Variants in TTC28 observed in about 807,000 individuals in gnomAD.
The protein encoded by TTC28 is tetratricopeptide repeat protein 28.
TTC28 carries 61 observed loss-of-function variants against 198.0 expected under a neutral mutation model. The ratio of observed to expected loss-of-function variants is 0.31; its 90% CI spans 0.25 to 0.38. The LOEUF (loss-of-function observed/expected upper bound fraction) is 0.38. Among genes scored for constraint, TTC28 ranks in the 10% least tolerant of loss-of-function variants. The pLI is 1.00. For synonymous variants in TTC28, 1,171 were observed against 1,297.8 expected (o/e 0.90, Z 2.10); for missense variants, 2,678 against 3,164.0 (o/e 0.85, Z 3.69).
intron 2 of TTC28, among the ~76,000 whole-genome samples, chr22:28,443,912 G>A (rs1030847806): frequency 2.4e-4 from 36 of 152,208 alleles, no homozygotes; most frequent in African/African-American, 8.7e-4. Flanking sequence ...AGTACTCTAG[G>A]CCAAAATCTT....
At chr22:28,078,853 G>C (rs1941247506) in intron 12 of TTC28, among the ~76,000 whole-genome samples, 1 of 152,076 alleles carries the variant, frequency 6.6e-6, no homozygotes. Flanking sequence ...GGAATTTGAA[G>C]GATGAAAGGA....
chr22:28,094,122 G>C lies in TTC28; in HGVS notation c.3890C>G (p.Ala1297Gly), dbSNP rs1265609874. Residue 1297 changes from alanine (A) to glycine (G), a missense_variant, in exon 12 of 23, where the codon GCC becomes GGC. Physicochemically the swap from Ala to Gly is moderately conservative, Grantham distance 60. Transcript: ENST00000397906. ...CACCCCCAGGGCCTCCCGGACACTG[G>C]CAATGTGCTGCTCCAGGGCTGAGCC... ...ATGSALEQHI[A>G]SVREALGVES... 1.9e-6 allele frequency: 3 copies of C among 1,551,310 alleles called. No homozygotes were observed. Among genetic ancestry groups the C allele is most frequent in the East Asian group, 2.4e-5 (1 of 40,900 alleles).
chr22:28,076,355 A>G (rs1022437706), intron 12 of TTC28, among the ~76,000 whole-genome samples: 1 of 152,222 alleles, frequency 6.6e-6, no homozygotes, highest in Non-Finnish European at 1.5e-5. Flanking sequence ...AATAATTTGA[A>G]TCAGTCTATC....
chr22:28,544,189 G>A (rs975721782), intron 2 of TTC28, among the ~76,000 whole-genome samples: 17 of 152,204 alleles, frequency 1.1e-4, no homozygotes, highest in Non-Finnish European at 2.4e-4. Context: ...CTGCACTCCA[G>A]CCTGGGCAAC....
intron 2 of TTC28, among the ~76,000 whole-genome samples, chr22:28,377,479 G>A (rs535948695): frequency 6.6e-6 from 1 of 152,084 alleles, no homozygotes; most frequent in Non-Finnish European, 1.5e-5. Context: ...AGGAAACAGA[G>A]TCAGAGAAGA....
chr22:28,679,147 G>A (rs2052049329), intron 1 of TTC28, among the ~76,000 whole-genome samples: 2 of 152,186 alleles, frequency 1.3e-5, no homozygotes, highest in South Asian at 4.1e-4. Context: ...ATGAGCCACC[G>A]ACAGACTTGC....
intron 5 of TTC28, among the ~76,000 whole-genome samples, chr22:28,247,108 C>G (rs753779123): frequency 2.0e-5 from 3 of 152,158 alleles, no homozygotes; most frequent in Non-Finnish European, 2.9e-5. Flanking sequence ...TTCTAAGACA[C>G]TACTTTTTTC....
At chr22:28,574,409 T>C (rs533465152) in intron 2 of TTC28, among the ~76,000 whole-genome samples, 195 of 152,224 alleles carry the variant, frequency 1.3e-3, no homozygotes, top group African/African-American at 4.1e-3. Context: ...CCACATTTTC[T>C]TTATCCATTC....
intron 2 of TTC28, among the ~76,000 whole-genome samples, chr22:28,388,950 C>G (rs937037611): frequency 1.1e-4 from 16 of 152,086 alleles, no homozygotes; most frequent in African/African-American, 3.4e-4. Context: ...CCAGTTTTTG[C>G]CCATTCAGTA....
In TTC28 at chr22:27,982,390, G is replaced by A. The variant is rs1235774129; in HGVS notation, c.7277C>T (p.Pro2426Leu). Residue 2426 changes from proline to leucine, a missense_variant, in exon 23 of 23, where the codon CCG (proline) becomes CTG (leucine). Pro to Leu is a moderately conservative substitution (Grantham distance 98). Coordinates refer to ENST00000397906, the MANE Select transcript of TTC28 (RefSeq NM_001145418.2). The surrounding 1 kb of genome is among the most constrained non-coding windows in gnomAD (Gnocchi z 5.2). ...LSLQQHDGAPPKAPPNGHWRT... is the reference protein window; with the variant it reads ...LSLQQHDGAPLKAPPNGHWRT... The stretch of plus-strand genomic sequence containing the variant: ...CCAGTGTCCGTTGGGAGGGGCTTTC[G>A]GTGGAGCTCCGTCATGCTGCTGCAG... 21 of 1,551,280 alleles carry A rather than the reference G, an allele frequency of 1.4e-5. 1 individual carries two copies. The highest frequency in any genetic ancestry group is 5.9e-5 in the South Asian group (5 of 84,050).
chr22:28,214,826 T>C (rs1210429296), intron 5 of TTC28, among the ~76,000 whole-genome samples: 2 of 152,226 alleles, frequency 1.3e-5, no homozygotes, highest in African/African-American at 2.4e-5. Flanking sequence ...TAAAGACACA[T>C]GCACACGTAT....
At chr22:28,400,369 T>C (rs1214919430) in intron 2 of TTC28, among the ~76,000 whole-genome samples, 1 of 152,240 alleles carries the variant, frequency 6.6e-6, no homozygotes, top group African/African-American at 2.4e-5. Context: ...TTTAAAAAGA[T>C]ACAAATACAT....
intron 2 of TTC28, among the ~76,000 whole-genome samples, chr22:28,386,490 A>C (rs1488702812): frequency 6.6e-6 from 1 of 152,060 alleles, no homozygotes; most frequent in Non-Finnish European, 1.5e-5. Context: ...AAATGAATTA[A>C]ATTTAATTTG....
intron 2 of TTC28, among the ~76,000 whole-genome samples, chr22:28,422,622 T>G (rs2047276986): frequency 1.3e-5 from 2 of 151,800 alleles, no homozygotes; most frequent in Non-Finnish European, 1.5e-5. Flanking sequence ...GTAATTTTTT[T>G]TTTTAGTAGA....
At chr22:28,003,763 T>A (rs1001911261) in intron 14 of TTC28, among the ~76,000 whole-genome samples, 2 of 152,182 alleles carry the variant, frequency 1.3e-5, no homozygotes, top group African/African-American at 4.8e-5. Context: ...CCACGAAACC[T>A]CATCTGCGGC....
At chr22:28,577,513 T>G (rs1268151582) in intron 2 of TTC28, among the ~76,000 whole-genome samples, 5 of 151,910 alleles carry the variant, frequency 3.3e-5, no homozygotes, top group Non-Finnish European at 7.4e-5. Context: ...AAGTCCAATG[T>G]TTATTTGTGG....
chr22:28,119,290 T>G (rs1004499156), intron 6 of TTC28, among the ~76,000 whole-genome samples: 1 of 152,178 alleles, frequency 6.6e-6, no homozygotes, highest in African/African-American at 2.4e-5. Flanking sequence ...TTGGTATTAT[T>G]CCAAACAGCT....
At chr22:28,372,821 G>A (rs1411752783) in intron 2 of TTC28, among the ~76,000 whole-genome samples, 3 of 152,060 alleles carry the variant, frequency 2.0e-5, no homozygotes, top group African/African-American at 7.2e-5. Context: ...AGGAGAATGG[G>A]GCCATAAACC....
chr22:28,197,021 CA>C (rs1325104837), intron 5 of TTC28, among the ~76,000 whole-genome samples: 1 of 151,984 alleles, frequency 6.6e-6, no homozygotes, highest in Non-Finnish European at 1.5e-5. Context: ...GGAACCAACC[CA>C]AATGTCCAAC....
Sources: allele counts gnomAD v4.1 joint callset (sites outside exome capture counted in the v4.1 genomes callset), GRCh38; gene constraint gnomAD v4.1.1; non-coding constraint Gnocchi (gnomAD v3.1); transcripts MANE v1.5; gene names NCBI Gene and HGNC (gene_info 2026-07-23, HGNC 2026-07-21).